RIMBP2: variants seen among roughly 807,000 people sequenced by gnomAD.
RIMBP2 encodes the protein RIMS-binding protein 2.
In RIMBP2, 48 loss-of-function variants were observed where a neutral mutation model predicts 118.6. That is an observed-to-expected ratio of 0.40 (90% CI 0.32 to 0.51). The LOEUF is 0.51. Among genes scored for constraint, RIMBP2 ranks in the 20% least tolerant of loss-of-function variants. RIMBP2 has a pLI of 0.41. For synonymous variants in RIMBP2, 762 were observed against 742.9 expected (o/e 1.03, Z -0.42); for missense variants, 1,551 against 1,768.3 (o/e 0.88, Z 2.20).
intron 21 of RIMBP2, 149 bp downstream of exon 21, chr12:130,406,023 T>C: frequency 1.6e-6 from 1 of 618,060 alleles, no homozygotes; most frequent in Non-Finnish European, 2.9e-6. Context: ...AGCAAAGTTC[T>C]ATAACTCAGC....
chr12:130,607,527 G>A (rs930993129), intron 2 of RIMBP2, among the ~76,000 whole-genome samples: 1 of 151,934 alleles, frequency 6.6e-6, no homozygotes, highest in Non-Finnish European at 1.5e-5. Flanking sequence ...ATGCTCGGTG[G>A]GAACATGCTG....
At chr12:130,661,258 G>T (rs1484193994) in intron 1 of RIMBP2, among the ~76,000 whole-genome samples, 1 of 152,162 alleles carries the variant, frequency 6.6e-6, no homozygotes, top group Non-Finnish European at 1.5e-5. Context: ...CTTAGGGTCA[G>T]TCATGTGACC....
intron 2 of RIMBP2, among the ~76,000 whole-genome samples, chr12:130,520,817 G>C (rs571009397): frequency 2.0e-4 from 30 of 152,246 alleles, no homozygotes; most frequent in Admixed American, 1.9e-3. Flanking sequence ...CCCATTCAGT[G>C]ACACAGACAG....
chr12:130,398,006 A>G (rs1316706597), intron 22 of RIMBP2: 1 of 152,832 alleles, frequency 6.5e-6, no homozygotes, highest in Non-Finnish European at 1.5e-5. Flanking sequence ...GGTGGTTGGT[A>G]TACTATAGAA....
intron 4 of RIMBP2, among the ~76,000 whole-genome samples, chr12:130,481,050 A>AG (rs567568648): frequency 1.4e-3 from 173 of 122,858 alleles, no homozygotes; most frequent in African/African-American, 4.8e-3. Context: ...GGAGCCTGGC[A>AG]GGGGGGAGGC....
At chr12:130,713,240 AG>A (rs1350153636) in intron 1 of RIMBP2, among the ~76,000 whole-genome samples, 1 of 150,188 alleles carries the variant, frequency 6.7e-6, no homozygotes. Context: ...GAAGGAAGGA[AG>A]GAAGGAAGGA....
At chr12:130,495,451 G>A (rs1276684615) in intron 4 of RIMBP2, among the ~76,000 whole-genome samples, 1 of 152,130 alleles carries the variant, frequency 6.6e-6, no homozygotes. Context: ...TAACAGACAT[G>A]TGCAGGGTGC....
intron 1 of RIMBP2, among the ~76,000 whole-genome samples, chr12:130,674,775 C>A (rs369254524): frequency 2.0e-5 from 3 of 152,044 alleles, no homozygotes; most frequent in Non-Finnish European, 4.4e-5. Context: ...CCATTCCCCA[C>A]CCCCGCCCCT....
chr12:130,473,633 A>G (rs747678865), intron 5 of RIMBP2, among the ~76,000 whole-genome samples: 3 of 152,204 alleles, frequency 2.0e-5, no homozygotes, highest in Non-Finnish European at 2.9e-5. Flanking sequence ...CTCTGCAGAA[A>G]AGTCAGTGAG....
At chr12:130,665,048 C>CTCACCAAACCCTACCACAACTCCTGGCT (rs940967510) in intron 1 of RIMBP2, among the ~76,000 whole-genome samples, 8 of 151,682 alleles carry the variant, frequency 5.3e-5, no homozygotes, top group Non-Finnish European at 2.9e-5. Context: ...TCTCCACTCA[C>CTCACCAAACCCTACCACAACTCCTGGCT]TCACCAAACC....
intron 2 of RIMBP2, among the ~76,000 whole-genome samples, chr12:130,564,675 C>A (rs1372453530): frequency 6.6e-6 from 1 of 152,188 alleles, no homozygotes; most frequent in Non-Finnish European, 1.5e-5. Context: ...TACTGTAACA[C>A]TCCTTTTATA....
At chr12:130,649,280 C>T (rs68170317) in intron 1 of RIMBP2, among the ~76,000 whole-genome samples, 7,432 of 151,486 alleles carry the variant, frequency 0.049, 1,007 homozygotes, top group African/African-American at 0.17. Context: ...CGTTTCTCTC[C>T]TCCTCAGCGG....
At chr12:130,678,369 C>T (rs1044329797) in intron 1 of RIMBP2, among the ~76,000 whole-genome samples, 3 of 152,370 alleles carry the variant, frequency 2.0e-5, no homozygotes, top group East Asian at 1.9e-4. Flanking sequence ...GATAGGTGGA[C>T]GAGCGGATCG....
At chr12:130,712,564 G>C (rs1296320170) in intron 1 of RIMBP2, among the ~76,000 whole-genome samples, 1 of 152,164 alleles carries the variant, frequency 6.6e-6, no homozygotes, top group Non-Finnish European at 1.5e-5. Context: ...CGCCTCCCAC[G>C]ATGGCCATGC....
chr12:130,607,660 C>T (rs1221872170), intron 2 of RIMBP2, among the ~76,000 whole-genome samples: 1 of 152,042 alleles, frequency 6.6e-6, no homozygotes. Context: ...GCGAGTCAGA[C>T]ACAAATCCGA....
chr12:130,402,793 T>C (rs1373720717), intron 21 of RIMBP2, among the ~76,000 whole-genome samples: 2 of 152,232 alleles, frequency 1.3e-5, no homozygotes, highest in Non-Finnish European at 1.5e-5. Flanking sequence ...TGCACACTCC[T>C]CTGGATTATC....
intron 4 of RIMBP2, among the ~76,000 whole-genome samples, chr12:130,500,976 C>A (rs544401188): frequency 6.6e-6 from 1 of 152,094 alleles, no homozygotes; most frequent in Admixed American, 6.5e-5. Context: ...AGTGGGAACC[C>A]GGAGCTCTCC....
intron 6 of RIMBP2, among the ~76,000 whole-genome samples, chr12:130,461,074 C>A (rs2079942949): frequency 6.6e-6 from 1 of 152,186 alleles, no homozygotes; most frequent in Non-Finnish European, 1.5e-5. Flanking sequence ...CCGCACGACC[C>A]AGCTACTTCC....
chr12:130,527,007 T>G (rs1365582370), intron 2 of RIMBP2, among the ~76,000 whole-genome samples: 2 of 152,084 alleles, frequency 1.3e-5, no homozygotes, highest in Non-Finnish European at 2.9e-5. Context: ...GAGTGGTTGC[T>G]GCTGTCCAGG....
Sources: gnomAD v4.1 joint callset for allele counts (sites outside exome capture counted in the v4.1 genomes callset) on GRCh38, gnomAD v4.1.1 for gene constraint, MANE v1.5 for transcripts, NCBI Gene and HGNC (gene_info 2026-07-23, HGNC 2026-07-21) for gene names.